CFAP70: variants seen among roughly 807,000 people sequenced by gnomAD.
CFAP70 encodes the protein cilia- and flagella-associated protein 70.
A neutral mutation model predicts 137.6 loss-of-function variants in CFAP70; 81 were observed. That is an observed-to-expected ratio of 0.59 (90% CI 0.49 to 0.71). The LOEUF is 0.71. Ranked by LOEUF, CFAP70 falls within the 30% of genes least tolerant of loss-of-function variation. The pLI, the probability that CFAP70 is intolerant of heterozygous loss-of-function variation, is 0.00. For synonymous variants in CFAP70, 382 were observed against 423.6 expected (o/e 0.90, Z 1.20); for missense variants, 976 against 1,226.7 (o/e 0.80, Z 3.05).
intron 6 of CFAP70, among the ~76,000 whole-genome samples, chr10:73,340,736 G>A (rs536192735): frequency 7.2e-5 from 11 of 152,228 alleles, no homozygotes; most frequent in East Asian, 1.9e-4. Context: ...GAGCACATGC[G>A]CACCTGGCCA....
chr10:73,269,735 A>AT lies in CFAP70; in HGVS notation c.2926-21dup. 3 of 1,535,368 alleles carry AT rather than the reference A, an allele frequency of 2.0e-6. No individual in the cohort carries two copies. Among genetic ancestry groups the AT allele is most frequent in the Non-Finnish European group, 2.7e-6 (3 of 1,109,336 alleles). The stretch of plus-strand genomic sequence containing the variant: ...CTCCAGCTTGACAGAAAAATGAGAC[A>AT]TGTGAGTTAGCTTAGCTGAAACCAC... On this transcript the variant is annotated intron_variant, in intron 24 of 26. Transcript: ENST00000310715.
intron 25 of CFAP70, among the ~76,000 whole-genome samples, chr10:73,262,606 G>A (rs1167946353): frequency 1.3e-5 from 2 of 152,080 alleles, no homozygotes; most frequent in Non-Finnish European, 2.9e-5. Context: ...AAAATGTGAA[G>A]AAGGAAAAAG....
At chr10:73,300,287 T>C (rs913671626) in intron 12 of CFAP70, among the ~76,000 whole-genome samples, 2 of 152,186 alleles carry the variant, frequency 1.3e-5, no homozygotes, top group Admixed American at 1.3e-4. Flanking sequence ...AATTAAGTTA[T>C]AGCTCTTCTC....
chr10:73,273,047 G>A, intron 23 of CFAP70, 30 bp from the exon 25 acceptor site: 1 of 1,488,268 alleles, frequency 6.7e-7, no homozygotes, highest in Non-Finnish European at 9.2e-7. Context: ...CTAAGCTACT[G>A]TTCTAGAAGC....
At chr10:73,291,330 G>A in exon 19 of CFAP70, 1 of 1,614,172 alleles carries the variant, frequency 6.2e-7, no homozygotes, top group Non-Finnish European at 8.5e-7. Context: ...TTCTACACCA[G>A]TGCTCTTTTG....
At chr10:73,285,940 C>A (rs2047670528) in intron 19 of CFAP70, among the ~76,000 whole-genome samples, 1 of 151,910 alleles carries the variant, frequency 6.6e-6, no homozygotes, top group Admixed American at 6.6e-5. Context: ...AGGCCTGAAA[C>A]TATATTTTCT....
chr10:73,274,667 C>T (rs2131732558), intron 22 of CFAP70, 73 bp from the exon 24 acceptor site: 1 of 1,338,816 alleles, frequency 7.5e-7, no homozygotes, highest in Non-Finnish European at 1.0e-6. Flanking sequence ...CTTTGTTTAA[C>T]ATTTAAATTT....
chr10:73,259,506 C>A (rs111468015), intron 25 of CFAP70, among the ~76,000 whole-genome samples: 15,942 of 152,114 alleles, frequency 0.1, 1,191 homozygotes, highest in East Asian at 0.29. Context: ...CTCTGTCATT[C>A]AGGCTGGAGT....
At chr10:73,359,823 G>C (rs193214580), upstream of CFAP70, among the ~76,000 whole-genome samples, 1 of 152,076 alleles carries the variant, frequency 6.6e-6, no homozygotes, top group African/African-American at 2.4e-5. Flanking sequence ...CAACCAACAT[G>C]ATCAGGTGAT....
intron 14 of CFAP70, among the ~76,000 whole-genome samples, chr10:73,298,018 T>C (rs2048668467): frequency 6.6e-6 from 1 of 152,322 alleles, no homozygotes; most frequent in Admixed American, 6.5e-5. Flanking sequence ...ATGACTTCCA[T>C]GTTCTTTCTT....
At chr10:73,286,475 C>T (rs910972113) in intron 19 of CFAP70, among the ~76,000 whole-genome samples, 6 of 152,088 alleles carry the variant, frequency 3.9e-5, no homozygotes, top group African/African-American at 1.4e-4. Context: ...CAAAAAAATC[C>T]TCTTGATCCC....
chr10:73,286,005 T>G (rs927679759), intron 19 of CFAP70, among the ~76,000 whole-genome samples: 12 of 152,152 alleles, frequency 7.9e-5, no homozygotes, highest in African/African-American at 2.7e-4. Context: ...GGCTCAACTT[T>G]ACTTTTGATT....
intron 9 of CFAP70, among the ~76,000 whole-genome samples, chr10:73,315,247 G>A (rs2050246970): frequency 1.4e-5 from 2 of 147,340 alleles, no homozygotes; most frequent in Middle Eastern, 3.2e-3. Flanking sequence ...CAGCTTTATT[G>A]AGATATTCAC....
exon 4 of CFAP70, chr10:73,348,493 T>C (rs932667790): frequency 6.6e-7 from 1 of 1,520,554 alleles, no homozygotes; most frequent in African/African-American, 1.4e-5. Flanking sequence ...TCTGTTTCTT[T>C]TCCTTTGGTA....
At chr10:73,312,195 C>T (rs953954669) in intron 10 of CFAP70, among the ~76,000 whole-genome samples, 3 of 151,938 alleles carry the variant, frequency 2.0e-5, no homozygotes, top group African/African-American at 4.8e-5. Context: ...TGGGGCCTGT[C>T]GGGGGTAAGG....
At chr10:73,271,083 C>T (rs1299382034) in intron 24 of CFAP70, among the ~76,000 whole-genome samples, 2 of 152,142 alleles carry the variant, frequency 1.3e-5, no homozygotes, top group Non-Finnish European at 2.9e-5. Flanking sequence ...TCAACCGAGC[C>T]CCGGAGGCAG....
chr10:73,327,494 T>C (rs368886499), intron 8 of CFAP70, among the ~76,000 whole-genome samples: 2 of 151,800 alleles, frequency 1.3e-5, no homozygotes, highest in South Asian at 2.1e-4. Flanking sequence ...CCAGGGCAAT[T>C]AGGCAGGAGA....
intron 19 of CFAP70, among the ~76,000 whole-genome samples, chr10:73,283,661 A>C (rs1294822446): frequency 1.3e-5 from 2 of 152,106 alleles, no homozygotes; most frequent in Non-Finnish European, 2.9e-5. Context: ...CCAGCTTACT[A>C]TTATTGGTTC....
intron 26 of CFAP70, among the ~76,000 whole-genome samples, chr10:73,254,972 A>G (rs1386979718): frequency 1.3e-5 from 2 of 152,216 alleles, no homozygotes; most frequent in African/African-American, 4.8e-5. Context: ...ATTCATAACT[A>G]ATAGAACAGG....
Sources: gnomAD v4.1 joint callset for allele counts (sites outside exome capture counted in the v4.1 genomes callset) on GRCh38, gnomAD v4.1.1 for gene constraint, MANE v1.5 for transcripts, NCBI Gene and HGNC (gene_info 2026-07-23, HGNC 2026-07-21) for gene names.